Variants in PRKG1 observed in about 807,000 individuals in gnomAD.
PRKG1 encodes the protein cGMP-dependent protein kinase 1.
A neutral mutation model predicts 88.1 loss-of-function variants in PRKG1; 35 were observed. The observed-to-expected ratio is 0.40, with a 90% CI of 0.30 to 0.53. PRKG1 has a LOEUF of 0.53. Among genes scored for constraint, PRKG1 ranks in the 20% least tolerant of loss-of-function variants. The pLI is 0.59. For synonymous variants in PRKG1, 303 were observed against 292.5 expected, an observed-to-expected ratio of 1.04 and a Z score of -0.37; for missense variants, 540 against 839.8, an observed-to-expected ratio of 0.64 and a Z score of 4.41.
chr10:52,204,073 G>GTTATTATTATTA (rs140296072), intron 9 of PRKG1, among the ~76,000 whole-genome samples: 3 of 75,360 alleles, frequency 4.0e-5, no homozygotes, highest in African/African-American at 3.4e-5. Context: ...TTGTTCGCTG[G>GTTATTATTATTA]TTATTATTAT....
intron 9 of PRKG1, among the ~76,000 whole-genome samples, chr10:52,163,499 T>A (rs934135602): frequency 1.3e-5 from 2 of 152,012 alleles, no homozygotes; most frequent in African/African-American, 4.8e-5. Context: ...TGTAGACTAA[T>A]GTATTTTTGC....
At chr10:51,929,991 G>A (rs1306947546) in intron 5 of PRKG1, among the ~76,000 whole-genome samples, 1 of 152,124 alleles carries the variant, frequency 6.6e-6, no homozygotes, top group Non-Finnish European at 1.5e-5. Flanking sequence ...TAGCATCAGA[G>A]GTACTGGAAG....
At chr10:51,419,868 T>C (rs1312471947) in intron 2 of PRKG1, among the ~76,000 whole-genome samples, 1 of 151,738 alleles carries the variant, frequency 6.6e-6, no homozygotes, top group Non-Finnish European at 1.5e-5. Context: ...TTGTCTAGTG[T>C]AGCAGCATAA....
At chr10:51,910,343 C>G (rs1564704346) in intron 5 of PRKG1, 1 of 152,074 alleles carries the variant, frequency 6.6e-6, no homozygotes, top group Non-Finnish European at 1.5e-5. Flanking sequence ...CCCATCCTCC[C>G]AAGAGACTGA....
intron 5 of PRKG1, among the ~76,000 whole-genome samples, chr10:52,024,317 CT>C (rs71032615): frequency 6.6e-6 from 1 of 150,874 alleles, no homozygotes; most frequent in African/African-American, 2.4e-5. Flanking sequence ...ATTTATTTAA[CT>C]TTTTTTTTTA....
At chr10:51,958,490 T>C in intron 5 of PRKG1, among the ~76,000 whole-genome samples, 1 of 151,800 alleles carries the variant, frequency 6.6e-6, no homozygotes, top group East Asian at 1.9e-4. Flanking sequence ...ACTTGGTCCT[T>C]TGTGGCCTAT....
intron 1 of PRKG1, among the ~76,000 whole-genome samples, chr10:51,118,684 G>C (rs181110559): frequency 1.2e-4 from 18 of 152,268 alleles, no homozygotes; most frequent in Non-Finnish European, 2.2e-4. Context: ...CCTGAAGACA[G>C]TATCTCAATT....
chr10:51,596,248 G>A (rs1465947381), intron 3 of PRKG1, among the ~76,000 whole-genome samples: 1 of 152,140 alleles, frequency 6.6e-6, no homozygotes, highest in Non-Finnish European at 1.5e-5. Flanking sequence ...TCTGACATGA[G>A]GTTGGTAGTC....
chr10:51,486,235 C>G (rs1840536406), intron 3 of PRKG1, among the ~76,000 whole-genome samples: 1 of 152,000 alleles, frequency 6.6e-6, no homozygotes, highest in Non-Finnish European at 1.5e-5. Context: ...TCACTGATAC[C>G]TCTCCATCCC....
chr10:51,728,005 T>G (rs1842176554), intron 3 of PRKG1, among the ~76,000 whole-genome samples: 1 of 152,052 alleles, frequency 6.6e-6, no homozygotes, highest in African/African-American at 2.4e-5. Context: ...CTTTAATGAA[T>G]AGTTGACTTT....
chr10:51,761,747 C>T (rs1406414432), intron 3 of PRKG1, among the ~76,000 whole-genome samples: 1 of 152,016 alleles, frequency 6.6e-6, no homozygotes, highest in African/African-American at 2.4e-5. Context: ...ATTTCTCAGG[C>T]ATGGGAACTA....
At chr10:51,843,276 T>C (rs979659985) in intron 4 of PRKG1, among the ~76,000 whole-genome samples, 1 of 151,976 alleles carries the variant, frequency 6.6e-6, no homozygotes, top group African/African-American at 2.4e-5. Flanking sequence ...TTAGAAACAT[T>C]TATTTGATGT....
intron 8 of PRKG1, among the ~76,000 whole-genome samples, chr10:52,158,530 T>C (rs1027077248): frequency 5.3e-5 from 8 of 151,670 alleles, no homozygotes; most frequent in Non-Finnish European, 1.0e-4. Flanking sequence ...TCAATTATGC[T>C]TATCAAGATG....
intron 5 of PRKG1, among the ~76,000 whole-genome samples, chr10:51,933,489 A>G (rs188081273): frequency 2.2e-3 from 337 of 152,258 alleles, no homozygotes; most frequent in African/African-American, 7.4e-3. Flanking sequence ...GGTGAACTTC[A>G]GGTCACAACA....
chr10:51,955,420 T>C (rs1447229685), intron 5 of PRKG1, among the ~76,000 whole-genome samples: 1 of 152,164 alleles, frequency 6.6e-6, no homozygotes, highest in East Asian at 1.9e-4. Context: ...GGATTTTTCA[T>C]ATGTACTATA....
At position 51,440,854 on chromosome 10, in the gene PRKG1, A is replaced by G. The variant is rs531197533; in HGVS notation, c.479-26869A>G. 2.0e-3 allele frequency among the ~76,000 whole-genome samples: 302 copies of G among 152,100 alleles called. 2 individuals carry two copies. The highest frequency in any genetic ancestry group is 7.7e-3 in the South Asian group (37 of 4,826). On this transcript the variant is annotated intron_variant, in intron 2 of 17. Transcript: ENST00000373980. The stretch of plus-strand genomic sequence containing the variant: ...TTACGAGAGAGCAACTAAAACAGCC[A>G]AGAAGGCAAAAATTTCATGTAAACA...
At position 51,834,407 on chromosome 10, in the gene PRKG1, G is replaced by A. The variant is rs565590443; in HGVS notation, c.698+29717G>A. On this transcript the variant is annotated intron_variant, in intron 4 of 17. Coordinates refer to ENST00000373980, the MANE Select transcript of PRKG1 (RefSeq NM_006258.4). ...GTAATCCCAACAACTTTGGGAGGCC[G>A]AGGCAAGAGGATCTCTTGAGCCTAG... Among the ~76,000 whole-genome samples, 22 of 152,188 alleles carry A rather than the reference G, an allele frequency of 1.4e-4. No individual in the cohort carries two copies. The South Asian group carries it at 1.5e-3, about 10-fold the overall frequency.
At chr10:51,405,999 T>C (rs1210220090) in intron 2 of PRKG1, among the ~76,000 whole-genome samples, 2 of 152,184 alleles carry the variant, frequency 1.3e-5, no homozygotes, top group Non-Finnish European at 2.9e-5. Flanking sequence ...TGTTTGTTCC[T>C]TTCTCTGTTT....
At chr10:51,059,029 G>GT (rs1301048464) in intron 1 of PRKG1, among the ~76,000 whole-genome samples, 1 of 152,084 alleles carries the variant, frequency 6.6e-6, no homozygotes, top group Non-Finnish European at 1.5e-5. Flanking sequence ...TGCTACAAAT[G>GT]TTTGTTTGTT....
Sources: gnomAD v4.1 joint callset for allele counts (sites outside exome capture counted in the v4.1 genomes callset) on GRCh38, gnomAD v4.1.1 for gene constraint, MANE v1.5 for transcripts, NCBI Gene and HGNC (gene_info 2026-07-23, HGNC 2026-07-21) for gene names.